Variants in LRBA observed in about 807,000 individuals in gnomAD.
LRBA encodes lipopolysaccharide-responsive and beige-like anchor protein.
In LRBA, 176 loss-of-function variants were observed where a neutral mutation model predicts 330.0. That is an observed-to-expected ratio of 0.53 (90% CI 0.47 to 0.60). The LOEUF is 0.60. Ranked by LOEUF, LRBA falls within the 20% of genes least tolerant of loss-of-function variation. LRBA has a pLI of 0.00. For synonymous variants in LRBA, 1,230 were observed against 1,193.0 expected, an observed-to-expected ratio of 1.03 and a Z score of -0.64; for missense variants, 3,259 against 3,444.8, an observed-to-expected ratio of 0.95 and a Z score of 1.35.
chr4:150,953,378 TCCCCCC>T (rs201552103), intron 2 of LRBA, among the ~76,000 whole-genome samples: 1 of 54,632 alleles, frequency 1.8e-5, no homozygotes, highest in Non-Finnish European at 3.4e-5. Flanking sequence ...CCCCTCCCCC[TCCCCCC>T]CCTCTTTGCA....
At chr4:150,539,207 G>A (rs1765044517) in intron 40 of LRBA, among the ~76,000 whole-genome samples, 2 of 152,086 alleles carry the variant, frequency 1.3e-5, no homozygotes, top group Admixed American at 6.5e-5. Context: ...ATCTCTTGAC[G>A]TCGTGATCCG....
intron 47 of LRBA, among the ~76,000 whole-genome samples, chr4:150,372,762 T>TTTTTTTTTTTTTTGAG (rs1554011252): frequency 6.9e-6 from 1 of 144,198 alleles, no homozygotes; most frequent in Non-Finnish European, 1.5e-5. Flanking sequence ...AGTAAGTTCT[T>TTTTTTTTTTTTTTGAG]ACTAGATATT....
chr4:150,489,664 TAAG>T (rs1443307662), intron 41 of LRBA, among the ~76,000 whole-genome samples: 4 of 124,728 alleles, frequency 3.2e-5, no homozygotes, highest in Non-Finnish European at 6.4e-5. Context: ...ATATTATATA[TAAG>T]AATATATATT....
rs1212252752 is a variant in LRBA at position 150,639,736 on chromosome 4, AATATATATATATATATATAT to A, written c.5922-40625_5922-40606del. ...GAAGATAATCTGAGCCTATGCCCCAAATATATATATATATATATATATATATATATATATATATATATATA... is the reference window on the plus strand; with the variant it reads ...GAAGATAATCTGAGCCTATGCCCCAAATATATATATATATATATATATATA... On this transcript the variant is annotated intron_variant, in intron 37 of 56. Coordinates refer to ENST00000651943, the MANE Select transcript of LRBA (RefSeq NM_001364905.1). 1.2e-3 allele frequency among the ~76,000 whole-genome samples: 62 copies of A among 51,148 alleles called. 3 individuals are homozygous for A. The highest frequency in any genetic ancestry group is 4.8e-3 in the African/African-American group (58 of 12,004). 33.6% of individuals were successfully genotyped at this position (51,148 alleles called of 152,430 possible).
intron 2 of LRBA, among the ~76,000 whole-genome samples, chr4:150,973,411 C>A (rs1301051328): frequency 6.6e-6 from 1 of 152,164 alleles, no homozygotes; most frequent in Non-Finnish European, 1.5e-5. Context: ...AGGTGATCTG[C>A]CCGCCTCAGC....
chr4:150,337,187 T>C (rs1477950191), intron 48 of LRBA, among the ~76,000 whole-genome samples: 1 of 152,152 alleles, frequency 6.6e-6, no homozygotes, highest in Admixed American at 6.5e-5. Flanking sequence ...AAAGCAGCAG[T>C]CATTGGTTAT....
chr4:150,590,892 G>C (rs757925772), intron 38 of LRBA, 33 bp from the exon 39 acceptor site: 3 of 1,607,156 alleles, frequency 1.9e-6, no homozygotes, highest in Non-Finnish European at 2.5e-6. Context: ...CTGTCCATCA[G>C]TTCTGGGAAG....
At chr4:150,615,514 A>G (rs999571225) in intron 37 of LRBA, among the ~76,000 whole-genome samples, 1 of 152,170 alleles carries the variant, frequency 6.6e-6, no homozygotes, top group Non-Finnish European at 1.5e-5. Flanking sequence ...AGTCAAAAGA[A>G]TATGCTAACA....
intron 38 of LRBA, among the ~76,000 whole-genome samples, chr4:150,593,371 C>T (rs962653612): frequency 6.6e-6 from 1 of 152,108 alleles, no homozygotes; most frequent in Non-Finnish European, 1.5e-5. Flanking sequence ...TTCTCATAAA[C>T]CTTCTGCTTA....
chr4:150,951,374 CAA>C (rs772512063), intron 2 of LRBA, among the ~76,000 whole-genome samples: 2 of 135,678 alleles, frequency 1.5e-5, no homozygotes. Context: ...CATCTTTTTA[CAA>C]AAAAAAAAAA....
At chr4:150,942,765 CA>C (rs932461564) in intron 2 of LRBA, among the ~76,000 whole-genome samples, 18 of 147,048 alleles carry the variant, frequency 1.2e-4, no homozygotes, top group Non-Finnish European at 1.5e-4. Context: ...GATAAAGGAA[CA>C]AAAAAAAAAT....
chr4:150,859,474 C>T (rs1751631193), intron 22 of LRBA, among the ~76,000 whole-genome samples: 2 of 151,396 alleles, frequency 1.3e-5, no homozygotes, highest in Non-Finnish European at 2.9e-5. Context: ...AAGCCAAAAA[C>T]AAACAAAAAA....
chr4:150,572,179 G>A (rs1769953396), intron 40 of LRBA, among the ~76,000 whole-genome samples: 1 of 152,040 alleles, frequency 6.6e-6, no homozygotes, highest in Non-Finnish European at 1.5e-5. Flanking sequence ...TCAGAAGCAA[G>A]TACAATTCAT....
At chr4:150,582,829 G>A (rs1771562380) in intron 40 of LRBA, 1 of 520,600 alleles carries the variant, frequency 1.9e-6, no homozygotes, top group African/African-American at 1.9e-5. Flanking sequence ...AAGAAAAGAG[G>A]TTTCGAAAGA....
At chr4:151,012,744 C>CAATAAACT (rs1193003132) in intron 2 of LRBA, 4 of 151,332 alleles carry the variant, frequency 2.6e-5, no homozygotes, top group African/African-American at 9.7e-5. Context: ...CATAAACTCC[C>CAATAAACT]AATAAACTGA....
chr4:150,867,467 A>G (rs1281881645), intron 22 of LRBA, among the ~76,000 whole-genome samples: 1 of 152,226 alleles, frequency 6.6e-6, no homozygotes, highest in Non-Finnish European at 1.5e-5. Context: ...TAAAAACAAC[A>G]TTAGAAAAAA....
intron 36 of LRBA, among the ~76,000 whole-genome samples, chr4:150,712,571 TTC>T (rs1786328671): frequency 6.6e-6 from 1 of 152,210 alleles, no homozygotes; most frequent in South Asian, 2.1e-4. Context: ...TCATGTCATG[TTC>T]TCTCCTCAGA....
chr4:150,805,335 A>AAAGGAAAGGAAAGGAAAGGAG (rs1560841373), intron 33 of LRBA, among the ~76,000 whole-genome samples: 8 of 129,034 alleles, frequency 6.2e-5, no homozygotes, highest in African/African-American at 1.6e-4. Context: ...AAAGGAAAGG[A>AAAGGAAAGGAAAGGAAAGGAG]AAGGAGAAGG....
At chr4:150,808,930 T>C (rs1743197997) in intron 31 of LRBA, among the ~76,000 whole-genome samples, 1 of 152,200 alleles carries the variant, frequency 6.6e-6, no homozygotes, top group African/African-American at 2.4e-5. Flanking sequence ...TTTCCCCTTA[T>C]GCCCCAAATA....
Sources: gnomAD v4.1 joint callset for allele counts (sites outside exome capture counted in the v4.1 genomes callset) on GRCh38, gnomAD v4.1.1 for gene constraint, MANE v1.5 for transcripts, NCBI Gene and HGNC (gene_info 2026-07-23, HGNC 2026-07-21) for gene names.